Variants in PRELP observed in about 807,000 individuals in gnomAD.
PRELP encodes the protein proline and arginine rich end leucine rich repeat protein.
PRELP carries 16 observed loss-of-function variants against 22.8 expected under a neutral mutation model. The ratio of observed to expected loss-of-function variants is 0.70; its 90% CI spans 0.47 to 1.06. PRELP has a LOEUF of 1.06. PRELP is among the 50% of genes least tolerant of loss of function. PRELP has a pLI of 0.00. For missense variants in PRELP, 434 were observed against 485.2 expected (o/e 0.89, Z 0.99); for synonymous variants, 233 against 211.4 (o/e 1.10, Z -0.89).
chr1:203,484,382 T>A (rs1661060719), intron 2 of PRELP, among the ~76,000 whole-genome samples: 1 of 152,276 alleles, frequency 6.6e-6, no homozygotes, highest in Non-Finnish European at 1.5e-5. Context: ...AACAATATCT[T>A]CTATCACAAA....
intron 1 of PRELP, among the ~76,000 whole-genome samples, chr1:203,476,788 T>C (rs954963296): frequency 2.6e-5 from 4 of 152,148 alleles, no homozygotes; most frequent in Non-Finnish European, 5.9e-5. Flanking sequence ...GCGACCCAGT[T>C]CCCAATCCTT....
rs1164603215 is a variant in PRELP at position 203,490,360 on chromosome 1, A to AT, written c.*3479_*3480insT. On this transcript the variant is annotated 3_prime_UTR_variant, in exon 3 of 3. Transcript: ENST00000343110. ...GAGACTGCCCACCCACAGACAAAAAAATATATATATTCCTAAAGTCGGACC... is the reference window on the plus strand; with the variant it reads ...GAGACTGCCCACCCACAGACAAAAAATATATATATATTCCTAAAGTCGGACC... 6.6e-6 allele frequency: 1 copy of AT among 152,116 alleles called. No individual in the cohort carries two copies. Among genetic ancestry groups the AT allele is most frequent in the East Asian group, 1.9e-4 (1 of 5,194 alleles). The allele number at this position is 152,116 out of a possible 1,614,324, so 9.4% of individuals were successfully genotyped here.
Position 203,485,167 on chromosome 1 carries a change from C to CAA in PRELP, c.973+1019_973+1020dup, listed in dbSNP as rs56659554. On this transcript the variant is annotated intron_variant, in intron 2 of 2. Coordinates refer to ENST00000343110, the MANE Select transcript of PRELP (RefSeq NM_002725.4). ...GGGGAGGATTTTTTTTTTAATCTTA[C>CAA]AAAAAAAAAATGGGAAAAGGGGAAG... 7.9e-3 allele frequency among the ~76,000 whole-genome samples: 1,116 copies of CAA among 141,692 alleles called. 16 individuals are homozygous for CAA. Among genetic ancestry groups the CAA allele is most frequent in the African/African-American group, 0.026 (990 of 38,768 alleles). The allele number at this position is 141,692 out of a possible 152,430, so 93.0% of individuals were successfully genotyped here. A position where few individuals can be genotyped will look rare whatever the true frequency, so the allele number is the denominator to read the frequency against.
intron 2 of PRELP, among the ~76,000 whole-genome samples, chr1:203,484,749 G>T (rs1395588249): frequency 6.6e-6 from 1 of 152,198 alleles, no homozygotes; most frequent in African/African-American, 2.4e-5. Flanking sequence ...ATCTGGAAGG[G>T]TGCGATGTTT....
intron 1 of PRELP, among the ~76,000 whole-genome samples, chr1:203,478,763 G>A (rs1660951672): frequency 6.6e-6 from 1 of 151,998 alleles, no homozygotes; most frequent in Admixed American, 6.6e-5. Context: ...TCCTTGTATC[G>A]TTTCACCTTC....
chr1:203,481,629 A>C (rs1198575795), intron 1 of PRELP, among the ~76,000 whole-genome samples: 1 of 152,184 alleles, frequency 6.6e-6, no homozygotes, highest in Admixed American at 6.5e-5. Context: ...AGGTGGAGAA[A>C]GACAGTCTCT....
chr1:203,476,239 G>A (rs1228786079), intron 1 of PRELP, among the ~76,000 whole-genome samples: 1 of 152,180 alleles, frequency 6.6e-6, no homozygotes, highest in Non-Finnish European at 1.5e-5. Context: ...TACAGATCAG[G>A]TGTTTCCATA....
At position 203,483,547 on chromosome 1, in the gene PRELP, C is replaced by G; in HGVS notation, c.363C>G (p.Ser121=). The change falls in exon 2 of 3, where the codon TCC becomes TCG. Residue 121 remains serine (S), a synonymous_variant. Coordinates refer to ENST00000343110, the MANE Select transcript of PRELP (RefSeq NM_002725.4). The surrounding 1 kb of genome is among the most constrained non-coding windows in gnomAD (Gnocchi z 4.4). ...NNFITELPVE[S]FQNATGLRWI... Reference sequence around the variant, plus strand: ...TCATCACTGAGCTCCCGGTGGAGTCCTTCCAGAATGCCACAGGCCTGCGAT... The same window carrying G: ...TCATCACTGAGCTCCCGGTGGAGTCGTTCCAGAATGCCACAGGCCTGCGAT... The G allele has an allele frequency of 6.2e-7, 1 of 1,614,244 alleles. No individual in the cohort carries two copies. Among genetic ancestry groups the G allele is most frequent in the Non-Finnish European group, 8.5e-7 (1 of 1,180,046 alleles).
Position 203,486,916 on chromosome 1 carries a change from C to T in PRELP, c.*35C>T. The T allele has an allele frequency of 5.7e-6, 9 of 1,565,428 alleles. No homozygotes were observed. Among genetic ancestry groups the T allele is most frequent in the Non-Finnish European group, 7.0e-6 (8 of 1,149,018 alleles). ...CGCCACCGGATCTGCTCTGACCGCA[C>T]TTGAAGGCTGGGGCCCAGGCACCTG... On this transcript the variant is annotated 3_prime_UTR_variant, in exon 3 of 3. Coordinates refer to ENST00000343110, the MANE Select transcript of PRELP (RefSeq NM_002725.4).
At chr1:203,482,282 CTT>C (rs60629021) in intron 1 of PRELP, among the ~76,000 whole-genome samples, 3 of 145,582 alleles carry the variant, frequency 2.1e-5, no homozygotes, top group Non-Finnish European at 3.0e-5. Flanking sequence ...TTCTTTCTTT[CTT>C]TTTTTTTTTT....
rs1257619463 is a variant in PRELP at position 203,490,411 on chromosome 1, C to T, written c.*3530C>T. ...AGAAATCTGACAGCTGCCTTTGAAACCCAAAGCCTCGGGTTCTTTCAAGCT... is the reference window on the plus strand; with the variant it reads ...AGAAATCTGACAGCTGCCTTTGAAATCCAAAGCCTCGGGTTCTTTCAAGCT... On this transcript the variant is annotated 3_prime_UTR_variant, in exon 3 of 3. Transcript: ENST00000343110. 1 of 152,162 alleles carries T rather than the reference C, an allele frequency of 6.6e-6. No individual in the cohort carries two copies. The highest frequency in any genetic ancestry group is 1.5e-5 in the Non-Finnish European group (1 of 68,034). 9.4% of individuals were successfully genotyped at this position (152,162 alleles called of 1,614,324 possible).
chr1:203,482,876 G>A lies in PRELP; in HGVS notation c.-16-293G>A, dbSNP rs914104526. Among the ~76,000 whole-genome samples, 7 of 152,152 alleles carry A rather than the reference G, an allele frequency of 4.6e-5. No individual in the cohort carries two copies. The East Asian group carries it at 1.4e-3, about 29-fold the overall frequency. ...CCTCCCAAAGTGCTGGATTACAGGT[G>A]TGAGCCACCGCACCTGGCCACCAAT... On this transcript the variant is annotated intron_variant, in intron 1 of 2. Transcript: ENST00000343110.
At position 203,491,042 on chromosome 1, in the gene PRELP, G is replaced by GAC. The variant is rs2102215071; in HGVS notation, c.*4162_*4163dup. 6.6e-6 allele frequency: 1 copy of GAC among 152,544 alleles called. No individual in the cohort carries two copies. Among genetic ancestry groups the GAC allele is most frequent in the African/African-American group, 2.4e-5 (1 of 41,590 alleles). 9.4% of individuals were successfully genotyped at this position (152,544 alleles called of 1,614,324 possible). Reference sequence around the variant, plus strand: ...CCTGTGACCTGCATGTGCACATCCAGACGGCTGGTTCCTACCTTAACTGAT... The same window carrying GAC: ...CCTGTGACCTGCATGTGCACATCCAGACACGGCTGGTTCCTACCTTAACTGAT... On this transcript the variant is annotated 3_prime_UTR_variant, in exon 3 of 3. Coordinates refer to ENST00000343110, the MANE Select transcript of PRELP (RefSeq NM_002725.4). The surrounding 1 kb of genome is among the most constrained non-coding windows in gnomAD (Gnocchi z 4.4).
In PRELP at chr1:203,483,552, A is replaced by G. The variant is rs1223292806; in HGVS notation, c.368A>G (p.Gln123Arg). Residue 123 changes from glutamine to arginine, a missense_variant, in exon 2 of 3, where the codon CAG (glutamine) becomes CGG (arginine). By Grantham distance (43) the Gln-to-Arg change is conservative. Transcript: ENST00000343110. The surrounding 1 kb of genome is among the most constrained non-coding windows in gnomAD (Gnocchi z 4.4). ...ACTGAGCTCCCGGTGGAGTCCTTCC[A>G]GAATGCCACAGGCCTGCGATGGATT... ...FITELPVESF[Q>R]NATGLRWINL... 6.2e-7 allele frequency: 1 copy of G among 1,614,214 alleles called. No individual in the cohort carries two copies.
At chr1:203,480,896 A>T (rs938907315) in intron 1 of PRELP, among the ~76,000 whole-genome samples, 2 of 152,352 alleles carry the variant, frequency 1.3e-5, no homozygotes, top group Non-Finnish European at 2.9e-5. Flanking sequence ...GCCTGTGTTT[A>T]CTGTGGATGA....
At chr1:203,485,830 T>C (rs1202336647) in intron 2 of PRELP, among the ~76,000 whole-genome samples, 1 of 152,184 alleles carries the variant, frequency 6.6e-6, no homozygotes, top group Non-Finnish European at 1.5e-5. Flanking sequence ...CTGGCATGCC[T>C]GGTGCCACAG....
intron 2 of PRELP, 137 bp from the exon 3 acceptor site, chr1:203,486,569 G>T: frequency 1.3e-6 from 1 of 761,730 alleles, no homozygotes; most frequent in Non-Finnish European, 2.1e-6. Flanking sequence ...GCTCATCTAT[G>T]ATCACACATT....
At chr1:203,485,355 T>G (rs1033482821) in intron 2 of PRELP, among the ~76,000 whole-genome samples, 8 of 152,134 alleles carry the variant, frequency 5.3e-5, no homozygotes, top group African/African-American at 1.7e-4. Flanking sequence ...TATCCCAACC[T>G]TCTAAGGTTG....
intron 1 of PRELP, among the ~76,000 whole-genome samples, chr1:203,478,810 A>C (rs1486535850): frequency 6.6e-6 from 1 of 152,102 alleles, no homozygotes; most frequent in African/African-American, 2.4e-5. Flanking sequence ...ATGCCCCCAT[A>C]AGGCTCCTTT....
Sources: gnomAD v4.1 joint callset for allele counts (sites outside exome capture counted in the v4.1 genomes callset) on GRCh38, gnomAD v4.1.1 for gene constraint, Gnocchi (gnomAD v3.1) non-coding constraint, MANE v1.5 for transcripts, NCBI Gene and HGNC (gene_info 2026-07-23, HGNC 2026-07-21) for gene names.